TYK2: variants seen among roughly 807,000 people sequenced by gnomAD.
TYK2 encodes the protein non-receptor tyrosine-protein kinase TYK2.
A neutral mutation model predicts 130.9 loss-of-function variants in TYK2; 65 were observed. That is an observed-to-expected ratio of 0.50 (90% CI 0.41 to 0.61). The LOEUF (loss-of-function observed/expected upper bound fraction) is 0.61. TYK2 is among the 20% of genes least tolerant of loss of function. The pLI is 0.00. For synonymous variants in TYK2, 647 were observed against 658.9 expected (o/e 0.98, Z 0.28); for missense variants, 1,378 against 1,610.7 (o/e 0.86, Z 2.47).
intron 3 of TYK2, among the ~76,000 whole-genome samples, chr19:10,372,458 C>CTATATATATATATATATATA (rs569826524): frequency 2.2e-4 from 10 of 45,974 alleles, no homozygotes; most frequent in South Asian, 7.4e-4. Flanking sequence ...CCACACACAG[C>CTATATATATATATATATATA]TATATATATA....
intron 17 of TYK2, chr19:10,356,964 C>T: frequency 1.8e-6 from 1 of 568,708 alleles, no homozygotes; most frequent in Non-Finnish European, 3.2e-6. Flanking sequence ...CTGCCCCAAG[C>T]TTCCCTCCTG....
intron 3 of TYK2, among the ~76,000 whole-genome samples, chr19:10,377,894 G>GGTGGATGGA (rs2042220615): frequency 1.8e-5 from 1 of 55,760 alleles, no homozygotes; most frequent in African/African-American, 8.8e-5. Context: ...GGATGGATGG[G>GGTGGATGGA]TGGGTGGGTG....
chr19:10,350,906 G>A lies in TYK2; in HGVS notation c.3492C>T (p.Asn1164=). ...TEASFRPTFE[N]LIPILKTVHE... ...GGACTGTCTTCAGAATGGGTATGAG[G>A]TTCTCGAAGGTTGGGCGAAAGGACG... is the stretch of plus-strand genomic sequence containing the variant. The change falls in exon 25 of 25, where the codon AAC becomes AAT. Residue 1164 remains asparagine (N), a synonymous_variant. Coordinates refer to ENST00000525621, the MANE Select transcript of TYK2 (RefSeq NM_003331.5). The A allele has an allele frequency of 6.2e-7, 1 of 1,614,188 alleles. No individual in the cohort carries two copies.
intron 3 of TYK2, among the ~76,000 whole-genome samples, chr19:10,372,707 T>A (rs1365000873): frequency 2.0e-5 from 3 of 150,126 alleles, no homozygotes; most frequent in Non-Finnish European, 3.0e-5. Flanking sequence ...CCCAGGCTGA[T>A]CTTGAACTCC....
chr19:10,362,725 G>T, intron 9 of TYK2, 68 bp from the exon 10 acceptor site: 2 of 1,346,536 alleles, frequency 1.5e-6, no homozygotes, highest in South Asian at 1.3e-5. Flanking sequence ...CGGGAACAAT[G>T]ACACTCATTA....
intron 3 of TYK2, among the ~76,000 whole-genome samples, chr19:10,372,484 A>ATATATATATTTTT (rs1390400916): frequency 2.7e-5 from 1 of 37,438 alleles, no homozygotes; most frequent in Non-Finnish European, 4.5e-5. Context: ...ATATATATAT[A>ATATATATATTTTT]TTTTTTTTTT....
rs146249132 is a variant in TYK2 at position 10,364,761 on chromosome 19, A to C, written c.1220T>G (p.Leu407Trp). 3.7e-6 allele frequency: 6 copies of C among 1,613,860 alleles called. No individual in the cohort carries two copies. Among genetic ancestry groups the C allele is most frequent in the African/African-American group, 1.3e-5 (1 of 74,932 alleles). The stretch of plus-strand genomic sequence containing the variant: ...GGACAGCGCCGCAGCCCGGGAAGGC[A>C]AGCTCAGCTCCTGCCAGCCAGGGGC... ...RQDNKCLELS[L>W]PSRAAALSFV... The change falls in exon 9 of 25, where the codon TTG becomes TGG. Residue 407 changes from leucine to tryptophan, a missense_variant. Physicochemically the swap from Leu to Trp is moderately conservative, Grantham distance 61. Coordinates refer to ENST00000525621, the MANE Select transcript of TYK2 (RefSeq NM_003331.5). This position sits in a 1 kb window ranked among gnomAD's most constrained non-coding sequence, Gnocchi z 4.9.
rs149540700 is a variant in TYK2 at position 10,359,251 on chromosome 19, C to T, written c.2099G>A (p.Arg700Gln). ...VEHGPLDVWL[R>Q]RERGHVPMAW... ...CATGGGCACATGGCCCCGCTCCCTCCGCAGCCACACATCCAGGGGTCCGTG... is the reference window on the plus strand; with the variant it reads ...CATGGGCACATGGCCCCGCTCCCTCTGCAGCCACACATCCAGGGGTCCGTG... Residue 700 changes from arginine (R) to glutamine (Q), a missense_variant, in exon 15 of 25, where the codon CGG becomes CAG. Arg to Gln is a conservative substitution (Grantham distance 43). Transcript: ENST00000525621. 4.5e-5 allele frequency: 72 copies of T among 1,611,522 alleles called. No homozygotes were observed. Among genetic ancestry groups the T allele is most frequent in the Non-Finnish European group, 5.7e-5 (67 of 1,179,946 alleles).
intron 10 of TYK2, 37 bp from the exon 11 acceptor site, chr19:10,362,493 G>A (rs1280473621): frequency 6.4e-7 from 1 of 1,568,964 alleles, no homozygotes. Context: ...CAGTAAGCAG[G>A]GGACCAGGCA....
In TYK2 at chr19:10,357,869, C is replaced by T. The variant is rs1471631530; in HGVS notation, c.2361G>A (p.Gly787=). The T allele has an allele frequency of 1.2e-6, 2 of 1,613,540 alleles. No homozygotes were observed. Among genetic ancestry groups the T allele is most frequent in the South Asian group, 1.1e-5 (1 of 91,090 alleles). ...CCATGGCGGTGCTTAGGCTGTTGGC[C>T]CCACCTGGTAGGCATTCGGGGGCCA... is the stretch of plus-strand genomic sequence containing the variant. ...PWLAPECLPG[G]ANSLSTAMDK... Residue 787 remains glycine (G), a synonymous_variant, in exon 17 of 25, where the codon GGG becomes GGA. Transcript: ENST00000525621.
At chr19:10,370,980 A>T (rs2041885968) in intron 3 of TYK2, among the ~76,000 whole-genome samples, 1 of 151,822 alleles carries the variant, frequency 6.6e-6, no homozygotes, top group Non-Finnish European at 1.5e-5. Flanking sequence ...TCTCTAAAAA[A>T]ACTAAAAATA....
chr19:10,376,499 G>A (rs1052727113), intron 3 of TYK2, among the ~76,000 whole-genome samples: 4 of 126,462 alleles, frequency 3.2e-5, no homozygotes, highest in African/African-American at 3.3e-5. Flanking sequence ...GTAGAGATGC[G>A]GTTTCACTAC....
At chr19:10,356,234 C>G (rs2041092283) in intron 18 of TYK2, among the ~76,000 whole-genome samples, 1 of 152,086 alleles carries the variant, frequency 6.6e-6, no homozygotes, top group South Asian at 2.1e-4. Flanking sequence ...CAAAAATTAG[C>G]CGGGCATGGT....
intron 7 of TYK2, 150 bp from the exon 8 acceptor site, chr19:10,365,198 A>G: frequency 1.1e-6 from 1 of 930,580 alleles, no homozygotes. Flanking sequence ...TGGGATGGGG[A>G]CCCACCCCAA....
At chr19:10,369,135 T>G (rs958012516) in intron 3 of TYK2, among the ~76,000 whole-genome samples, 1 of 151,992 alleles carries the variant, frequency 6.6e-6, no homozygotes, top group African/African-American at 2.4e-5. Context: ...TGATTAAGAT[T>G]TGGGGGGATT....
Position 10,351,136 on chromosome 19 carries a change from A to G in TYK2, c.3345T>C (p.Ala1115=), listed in dbSNP as rs1285287999. 2 of 1,614,076 alleles carry G rather than the reference A, an allele frequency of 1.2e-6. No homozygotes were observed. Among genetic ancestry groups the G allele is most frequent in the Admixed American group, 3.3e-5 (2 of 59,996 alleles). ...GTCTCAGAACTGTCATCTGACCCTGAGCAATGCCTATGAGCTCAAGGAATT... is the reference window on the plus strand; with the variant it reads ...GTCTCAGAACTGTCATCTGACCCTGGGCAATGCCTATGAGCTCAAGGAATT... ...PTKFLELIGI[A]QGQMTVLRLT... is the part of the protein sequence containing the mutation. The change falls in exon 24 of 25, where the codon GCT becomes GCC. Residue 1115 remains alanine (A), a synonymous_variant. Transcript: ENST00000525621.
At chr19:10,375,638 C>T (rs1441256874) in intron 3 of TYK2, among the ~76,000 whole-genome samples, 3 of 142,568 alleles carry the variant, frequency 2.1e-5, no homozygotes, top group Admixed American at 1.4e-4. Flanking sequence ...AAAATTGGGC[C>T]GGGCATGGTG....
chr19:10,374,901 A>G (rs2042058788), intron 3 of TYK2, among the ~76,000 whole-genome samples: 1 of 151,948 alleles, frequency 6.6e-6, no homozygotes, highest in East Asian at 1.9e-4. Context: ...AAAAAAAATC[A>G]GTCATGGCCA....
At chr19:10,370,052 C>CAACAA (rs1210486629) in intron 3 of TYK2, among the ~76,000 whole-genome samples, 1 of 149,292 alleles carries the variant, frequency 6.7e-6, no homozygotes, top group Non-Finnish European at 1.5e-5. Context: ...TCAAACAACA[C>CAACAA]AACAAAACAA....
Sources: allele counts gnomAD v4.1 joint callset (sites outside exome capture counted in the v4.1 genomes callset), GRCh38; gene constraint gnomAD v4.1.1; non-coding constraint Gnocchi (gnomAD v3.1); transcripts MANE v1.5; gene names NCBI Gene and HGNC (gene_info 2026-07-23, HGNC 2026-07-21).